The following ARHGEF28 variants were observed in gnomAD, a reference collection of about 807,000 sequenced individuals.
The protein encoded by ARHGEF28 is 190 kDa guanine nucleotide exchange factor.
Under a neutral mutation model 206.6 loss-of-function variants are expected in ARHGEF28, and 152 were observed. That is an observed-to-expected ratio of 0.74 (90% CI 0.64 to 0.84). The LOEUF is 0.84. ARHGEF28 is among the 40% of genes least tolerant of loss of function. The pLI, the probability that ARHGEF28 is intolerant of heterozygous loss-of-function variation, is 0.00. For synonymous variants in ARHGEF28, 763 were observed against 776.4 expected (o/e 0.98, Z 0.29); for missense variants, 2,028 against 2,073.2 (o/e 0.98, Z 0.42).
Position 73,868,241 on chromosome 5 carries a change from A to G in ARHGEF28, c.2425+14A>G. 1 of 1,555,922 alleles carries G rather than the reference A, an allele frequency of 6.4e-7. No homozygotes were observed. The highest frequency in any genetic ancestry group is 8.7e-7 in the Non-Finnish European group (1 of 1,147,134). On this transcript the variant is annotated intron_variant, in intron 20 of 35. Coordinates refer to ENST00000513042, the MANE Select transcript of ARHGEF28 (RefSeq NM_001177693.2). Reference sequence around the variant, plus strand: ...TCATAATGGAAGGTGAGGAGAAGACACACTTCCATTTATTTGTGTTTTTGT... The same window carrying G: ...TCATAATGGAAGGTGAGGAGAAGACGCACTTCCATTTATTTGTGTTTTTGT...
chr5:73,630,849 C>G (rs374171131), intron 1 of ARHGEF28, among the ~76,000 whole-genome samples: 2 of 152,222 alleles, frequency 1.3e-5, no homozygotes, highest in East Asian at 3.8e-4. Context: ...CTTTACTTGT[C>G]TTGGTCAACA....
At chr5:73,753,500 C>A (rs1752139001) in intron 4 of ARHGEF28, among the ~76,000 whole-genome samples, 2 of 152,222 alleles carry the variant, frequency 1.3e-5, no homozygotes, top group African/African-American at 4.8e-5. Flanking sequence ...CTTCCCTTGG[C>A]AAGTTTTCTT....
chr5:73,726,397 A>T (rs1378695215), intron 2 of ARHGEF28, among the ~76,000 whole-genome samples: 1 of 152,250 alleles, frequency 6.6e-6, no homozygotes, highest in African/African-American at 2.4e-5. Flanking sequence ...TTACAAAAAA[A>T]TAATTTATTT....
At chr5:73,785,177 G>A (rs950728463) in intron 7 of ARHGEF28, among the ~76,000 whole-genome samples, 3 of 152,142 alleles carry the variant, frequency 2.0e-5, no homozygotes, top group Admixed American at 6.6e-5. Context: ...CTGATGGCAG[G>A]GGCTACTGTA....
In ARHGEF28 at chr5:73,909,825, GA is replaced by G; in HGVS notation, c.4576del (p.Ser1526AlafsTer25). On this transcript the variant is annotated frameshift_variant, in exon 34 of 36. Transcript: ENST00000513042. LOFTEE classifies it high-confidence loss of function. ...AGCAGGCGAGGATGCGGGCCCAGCA[GA>G]GCCTGCTGGGCCACTGGAAGCACGG... ...REQARMRAQQ[S>X]LLGHWKHGRQ... 6.5e-7 allele frequency: 1 copy of G among 1,540,270 alleles called. No individual in the cohort carries two copies. Among genetic ancestry groups the G allele is most frequent in the Admixed American group, 2.0e-5 (1 of 49,024 alleles).
At position 73,794,669 on chromosome 5, in the gene ARHGEF28, C is replaced by T. The variant is rs12522708; in HGVS notation, c.963+215C>T. On this transcript the variant is annotated intron_variant, in intron 8 of 35. Coordinates refer to ENST00000513042, the MANE Select transcript of ARHGEF28 (RefSeq NM_001177693.2). ...TCACCCAGGCTGGAGTACAGTGGCACGATCTTGGCTCACTGCAACTTCTGC... is the reference window on the plus strand; with the variant it reads ...TCACCCAGGCTGGAGTACAGTGGCATGATCTTGGCTCACTGCAACTTCTGC... Among the ~76,000 whole-genome samples the T allele has an allele frequency of 0.41, 60,874 of 149,056 alleles. 12,889 individuals are homozygous for T. The highest frequency in any genetic ancestry group is 0.47 in the Non-Finnish European group (31,477 of 67,454).
At chr5:73,806,394 A>C (rs1232509232) in intron 9 of ARHGEF28, among the ~76,000 whole-genome samples, 1 of 129,292 alleles carries the variant, frequency 7.7e-6, no homozygotes, top group Non-Finnish European at 1.6e-5. Context: ...ATATAGATAT[A>C]TATACATATA....
intron 2 of ARHGEF28, among the ~76,000 whole-genome samples, chr5:73,728,246 G>A (rs1434265915): frequency 6.6e-6 from 1 of 152,178 alleles, no homozygotes; most frequent in African/African-American, 2.4e-5. Context: ...CTTGTGGAAA[G>A]CCTTCTTATT....
chr5:73,842,977 A>T (rs551901423), intron 11 of ARHGEF28, among the ~76,000 whole-genome samples: 105 of 136,340 alleles, frequency 7.7e-4, no homozygotes, highest in Non-Finnish European at 1.1e-3. Context: ...ACGGAGTGAG[A>T]CTCTGTCTTT....
chr5:73,793,799 T>G (rs1754625323), intron 7 of ARHGEF28, among the ~76,000 whole-genome samples: 1 of 26,632 alleles, frequency 3.8e-5, no homozygotes, highest in African/African-American at 5.0e-4. Context: ...TGGGTGAACC[T>G]TTTTTTTTTT....
intron 9 of ARHGEF28, among the ~76,000 whole-genome samples, chr5:73,828,758 CT>C (rs1757093922): frequency 6.6e-6 from 1 of 150,800 alleles, no homozygotes; most frequent in South Asian, 2.1e-4. Flanking sequence ...CTCTTCCTCT[CT>C]TTCTGTCCTT....
chr5:73,672,448 T>A (rs1158647575), intron 1 of ARHGEF28, among the ~76,000 whole-genome samples: 1 of 152,226 alleles, frequency 6.6e-6, no homozygotes, highest in East Asian at 1.9e-4. Flanking sequence ...ATCCTCTAGC[T>A]TCTCATGGAT....
chr5:73,757,272 G>C (rs970879078), intron 4 of ARHGEF28, among the ~76,000 whole-genome samples: 1 of 146,060 alleles, frequency 6.8e-6, no homozygotes, highest in African/African-American at 2.7e-5. Flanking sequence ...CATCACAGGT[G>C]GAAAACAATT....
rs1314533551 is a variant in ARHGEF28, at chr5:73,909,441, T to C, written c.4191T>C (p.Ile1397=). 8.7e-6 allele frequency: 14 copies of C among 1,611,834 alleles called. No homozygotes were observed. The highest frequency in any genetic ancestry group is 1.7e-4 in the Middle Eastern group (1 of 6,052). The change falls in exon 34 of 36, where the codon ATT becomes ATC. Residue 1397 remains isoleucine, a synonymous_variant. Transcript: ENST00000513042. ...QAALTIQDSH[I]EIHRLVLQQQ... is the part of the protein sequence containing the mutation. ...CCTTGACCATTCAGGACAGCCACAT[T>C]GAGATCCACAGGCTGGTTCTCCAGC...
intron 1 of ARHGEF28, among the ~76,000 whole-genome samples, chr5:73,680,128 A>AT (rs1361241059): frequency 6.6e-6 from 1 of 152,042 alleles, no homozygotes; most frequent in African/African-American, 2.4e-5. Flanking sequence ...ATAGAACACT[A>AT]TTTTTTATTA....
At chr5:73,925,827 CAA>C (rs929873208) in intron 35 of ARHGEF28, among the ~76,000 whole-genome samples, 1 of 152,190 alleles carries the variant, frequency 6.6e-6, no homozygotes, top group Admixed American at 6.5e-5. Context: ...ATGAATATTC[CAA>C]AGTTTACTTA....
At chr5:73,832,538 T>C in intron 10 of ARHGEF28, 79 bp downstream of exon 10, 5 of 1,519,458 alleles carry the variant, frequency 3.3e-6, no homozygotes, top group Non-Finnish European at 4.5e-6. Context: ...TTCAGCATTG[T>C]TGTGTTCCTT....
At chr5:73,900,944 A>T (rs1417117056) in intron 30 of ARHGEF28, 3 of 386,120 alleles carry the variant, frequency 7.8e-6, no homozygotes, top group Non-Finnish European at 1.5e-5. Flanking sequence ...AAGTACAAAG[A>T]TGGTGATACT....
At chr5:73,712,652 A>C (rs2112311652) in intron 2 of ARHGEF28, among the ~76,000 whole-genome samples, 1 of 152,348 alleles carries the variant, frequency 6.6e-6, no homozygotes, top group South Asian at 2.1e-4. Context: ...ATGAAAAATA[A>C]GTATTTGGAA....
Sources: gnomAD v4.1 joint callset for allele counts (sites outside exome capture counted in the v4.1 genomes callset) on GRCh38, gnomAD v4.1.1 for gene constraint, MANE v1.5 for transcripts, NCBI Gene and HGNC (gene_info 2026-07-23, HGNC 2026-07-21) for gene names.